CNBD1: variants seen among roughly 807,000 people sequenced by gnomAD.
CNBD1 encodes the protein cyclic nucleotide-binding domain-containing protein 1.
In CNBD1, 71 loss-of-function variants were observed where a neutral mutation model predicts 54.4. The ratio of observed to expected loss-of-function variants is 1.30; its 90% confidence interval spans 1.08 to 1.59. The LOEUF (loss-of-function observed/expected upper bound fraction) is 1.59, where lower values mean the gene tolerates loss of function less well. CNBD1 is among the 40% of genes most tolerant of loss of function. The pLI, the probability that CNBD1 is intolerant of heterozygous loss-of-function variation, is 0.00. For missense variants in CNBD1, 659 were observed against 518.0 expected, an observed-to-expected ratio of 1.27 and a Z score of -2.64; for synonymous variants, 182 against 170.7, an observed-to-expected ratio of 1.07 and a Z score of -0.51.
intron 6 of CNBD1, among the ~76,000 whole-genome samples, chr8:87,246,570 T>G (rs1273236801): frequency 6.6e-6 from 1 of 152,146 alleles, no homozygotes; most frequent in Non-Finnish European, 1.5e-5. Flanking sequence ...ACAGAAAGTC[T>G]TTGAGATAGA....
chr8:87,346,973 C>T (rs1810186934), intron 8 of CNBD1, among the ~76,000 whole-genome samples: 1 of 152,000 alleles, frequency 6.6e-6, no homozygotes, highest in Non-Finnish European at 1.5e-5. Context: ...AGAGCCAGGA[C>T]CAAGAGAGGA....
At chr8:87,371,975 A>T (rs909918276) in intron 10 of CNBD1, among the ~76,000 whole-genome samples, 3 of 151,872 alleles carry the variant, frequency 2.0e-5, no homozygotes, top group African/African-American at 4.8e-5. Context: ...ATAGTGTTGG[A>T]AGTTCTGGCC....
intron 10 of CNBD1, among the ~76,000 whole-genome samples, chr8:87,371,934 G>T (rs1395624865): frequency 1.3e-5 from 2 of 151,918 alleles, no homozygotes; most frequent in South Asian, 2.1e-4. Flanking sequence ...GCACAAGACA[G>T]GGACGCCCTC....
At chr8:87,224,524 C>G (rs1410275591) in intron 5 of CNBD1, among the ~76,000 whole-genome samples, 1 of 151,166 alleles carries the variant, frequency 6.6e-6, no homozygotes, top group East Asian at 1.9e-4. Context: ...GCTTGTTTTT[C>G]TCAGGTTTGT....
At chr8:87,288,401 C>A (rs140808879) in intron 8 of CNBD1, among the ~76,000 whole-genome samples, 132 of 152,024 alleles carry the variant, frequency 8.7e-4, no homozygotes, top group African/African-American at 3.1e-3. Flanking sequence ...AATATCCAAT[C>A]TTTGCCCATC....
intron 8 of CNBD1, among the ~76,000 whole-genome samples, chr8:87,324,603 A>T (rs1258836952): frequency 6.7e-6 from 1 of 149,546 alleles, no homozygotes; most frequent in Non-Finnish European, 1.5e-5. Context: ...AGGTGTTTGT[A>T]GTATTCTCTG....
intron 2 of CNBD1, among the ~76,000 whole-genome samples, chr8:87,405,117 CT>C (rs1320078524): frequency 2.0e-5 from 3 of 151,996 alleles, no homozygotes; most frequent in African/African-American, 7.2e-5. Flanking sequence ...GAAAGTTGTA[CT>C]TGCAGGACTT....
chr8:87,184,102 A>G (rs1260855461), intron 4 of CNBD1, among the ~76,000 whole-genome samples: 1 of 152,178 alleles, frequency 6.6e-6, no homozygotes, highest in African/African-American at 2.4e-5. Flanking sequence ...GGCTGCACGC[A>G]TGTGCTCACG....
At chr8:87,256,047 G>A (rs1470541883) in intron 6 of CNBD1, among the ~76,000 whole-genome samples, 1 of 77,216 alleles carries the variant, frequency 1.3e-5, no homozygotes, top group Admixed American at 1.8e-4. Flanking sequence ...TTTTGAGACA[G>A]GGTCTCACTC....
At chr8:87,338,025 AT>A (rs1256114518) in intron 8 of CNBD1, among the ~76,000 whole-genome samples, 1 of 152,084 alleles carries the variant, frequency 6.6e-6, no homozygotes, top group African/African-American at 2.4e-5. Context: ...ATATGATTTA[AT>A]TTTTTATGTC....
intron 1 of CNBD1, among the ~76,000 whole-genome samples, chr8:86,884,422 TG>T (rs1808651221): frequency 6.6e-6 from 1 of 152,222 alleles, no homozygotes; most frequent in Non-Finnish European, 1.5e-5. Context: ...GGGTGCCTTA[TG>T]TCTATCTAAT....
At chr8:87,255,461 A>C (rs777063406) in intron 6 of CNBD1, among the ~76,000 whole-genome samples, 2 of 152,198 alleles carry the variant, frequency 1.3e-5, no homozygotes, top group Non-Finnish European at 2.9e-5. Flanking sequence ...AAAAGAGATC[A>C]GAGAAATAAC....
intron 4 of CNBD1, among the ~76,000 whole-genome samples, chr8:87,024,022 G>A (rs770222282): frequency 1.3e-5 from 2 of 151,892 alleles, no homozygotes; most frequent in African/African-American, 4.8e-5. Context: ...TGGATCACGA[G>A]GTCTGGAGAT....
chr8:86,980,290 A>T (rs1466276171), intron 4 of CNBD1, among the ~76,000 whole-genome samples: 1 of 152,236 alleles, frequency 6.6e-6, no homozygotes, highest in East Asian at 1.9e-4. Flanking sequence ...TTCAGCCACC[A>T]GCTCTGAGCA....
chr8:87,223,373 C>T (rs1053539578), intron 5 of CNBD1, among the ~76,000 whole-genome samples: 20 of 151,604 alleles, frequency 1.3e-4, no homozygotes, highest in African/African-American at 7.3e-5. Context: ...GTATATCTCC[C>T]AATGCTATCC....
At chr8:86,947,066 T>C (rs1184350769) in intron 4 of CNBD1, among the ~76,000 whole-genome samples, 2 of 152,126 alleles carry the variant, frequency 1.3e-5, no homozygotes, top group Non-Finnish European at 2.9e-5. Flanking sequence ...AAGATTTGGT[T>C]GTTTCTAGTA....
At chr8:87,284,901 AT>A in intron 7 of CNBD1, 86 bp downstream of exon 7, 1 of 955,032 alleles carries the variant, frequency 1.0e-6, no homozygotes, top group South Asian at 2.1e-5. Context: ...AGACAGCTAT[AT>A]CTGTTTTATT....
At chr8:87,315,611 T>C (rs1487462368) in intron 8 of CNBD1, among the ~76,000 whole-genome samples, 1 of 151,998 alleles carries the variant, frequency 6.6e-6, no homozygotes, top group Non-Finnish European at 1.5e-5. Flanking sequence ...GGCATTAATC[T>C]ATTCATGAGG....
chr8:87,322,901 A>T (rs1809569120), intron 8 of CNBD1, among the ~76,000 whole-genome samples: 1 of 116,272 alleles, frequency 8.6e-6, no homozygotes, highest in Non-Finnish European at 1.9e-5. Context: ...CTGAATGGTA[A>T]TGCCTAGGTT....
Sources: gnomAD v4.1 joint callset for allele counts (sites outside exome capture counted in the v4.1 genomes callset) on GRCh38, gnomAD v4.1.1 for gene constraint, MANE v1.5 for transcripts, NCBI Gene and HGNC (gene_info 2026-07-23, HGNC 2026-07-21) for gene names.